Variants in FIGN observed in about 807,000 individuals in gnomAD.
FIGN encodes fidgetin, microtubule severing factor, also known as fidgetin.
In FIGN, 11 loss-of-function variants were observed where a neutral mutation model predicts 51.3. That is an observed-to-expected ratio of 0.21 (90% CI 0.13 to 0.35). FIGN has a LOEUF of 0.35. Among genes scored for constraint, FIGN ranks in the 10% least tolerant of loss-of-function variants. FIGN has a pLI of 1.00. For missense variants in FIGN, 857 were observed against 943.6 expected (o/e 0.91, Z 1.20); for synonymous variants, 407 against 363.2 (o/e 1.12, Z -1.37).
chr2:163,661,535 T>A (rs1402565840), intron 2 of FIGN, among the ~76,000 whole-genome samples: 1 of 152,140 alleles, frequency 6.6e-6, no homozygotes, highest in Non-Finnish European at 1.5e-5. Flanking sequence ...TAGCTGGGAT[T>A]AGAAGCACCC....
chr2:163,657,720 A>T (rs1276978407), intron 2 of FIGN, among the ~76,000 whole-genome samples: 1 of 152,162 alleles, frequency 6.6e-6, no homozygotes, highest in Non-Finnish European at 1.5e-5. Flanking sequence ...ACATTTTAGT[A>T]GGTCATGCTA....
At chr2:163,675,734 A>C (rs1237922112) in intron 2 of FIGN, among the ~76,000 whole-genome samples, 3 of 118,778 alleles carry the variant, frequency 2.5e-5, no homozygotes, top group Non-Finnish European at 5.2e-5. Context: ...TTTTTTGTAC[A>C]AGCATGTCAG....
intron 2 of FIGN, among the ~76,000 whole-genome samples, chr2:163,719,487 T>C (rs1286055606): frequency 1.3e-5 from 2 of 152,184 alleles, no homozygotes; most frequent in African/African-American, 4.8e-5. Context: ...GTTGGCTCCC[T>C]GTGTGCCTGC....
chr2:163,678,889 G>A (rs1191836942), intron 2 of FIGN, among the ~76,000 whole-genome samples: 1 of 152,258 alleles, frequency 6.6e-6, no homozygotes, highest in African/African-American at 2.4e-5. Flanking sequence ...AAGAAATCAT[G>A]TGAGATTTGA....
chr2:163,628,620 C>T (rs1683094557), intron 2 of FIGN, among the ~76,000 whole-genome samples: 1 of 151,632 alleles, frequency 6.6e-6, no homozygotes, highest in South Asian at 2.1e-4. Flanking sequence ...TAAGCAGGGT[C>T]TAAACTTAAG....
intron 2 of FIGN, among the ~76,000 whole-genome samples, chr2:163,628,256 C>G (rs559395812): frequency 5.9e-5 from 9 of 152,126 alleles, no homozygotes; most frequent in African/African-American, 2.2e-4. Context: ...GGTGGCTATA[C>G]AGAGGAGCTA....
rs757950651 is a variant in FIGN, at chr2:163,609,643, T to G, written c.2189A>C (p.Glu730Ala). Residue 730 changes from glutamate to alanine, a missense_variant, in exon 3 of 3, where the codon GAA becomes GCA. Around this residue, in one of 3 missense-constraint regions of FIGN, gnomAD observed 799 missense variants for 849.5 expected, o/e 0.94. Transcript: ENST00000333129. ...QLRPVTYQDF[E>A]NAFCKIQPSI... ...AGGCTGAATCTTGCAGAAAGCATTT[T>G]CAAAGTCTTGATATGTAACGGGCCT... The G allele has an allele frequency of 5.0e-6, 8 of 1,614,166 alleles. No homozygotes were observed. Among genetic ancestry groups the G allele is most frequent in the Non-Finnish European group, 6.8e-6 (8 of 1,180,018 alleles).
At chr2:163,698,532 A>C (rs1284247262) in intron 2 of FIGN, among the ~76,000 whole-genome samples, 1 of 152,116 alleles carries the variant, frequency 6.6e-6, no homozygotes, top group East Asian at 1.9e-4. Context: ...GGATGAAGGG[A>C]GTGGAAGTCT....
rs533594450 is a variant in FIGN, at chr2:163,615,233, T to C, written c.26-3427A>G. 1.4e-4 allele frequency among the ~76,000 whole-genome samples: 21 copies of C among 152,318 alleles called. No individual in the cohort carries two copies. In the South Asian group the frequency reaches 3.7e-3, roughly 27 times the overall value. ...AAGGCAAAATTGTATTTTGTTTAAA[T>C]ACAAGGCAATGGACTTGTTCATATC... On this transcript the variant is annotated intron_variant, in intron 2 of 2. Transcript: ENST00000333129.
At chr2:163,646,977 C>T (rs1229299476) in intron 2 of FIGN, among the ~76,000 whole-genome samples, 1 of 152,152 alleles carries the variant, frequency 6.6e-6, no homozygotes, top group Non-Finnish European at 1.5e-5. Context: ...AGCCCAGTTC[C>T]CTTTTGGTAT....
chr2:163,686,010 A>C (rs931895880), intron 2 of FIGN, among the ~76,000 whole-genome samples: 4 of 152,274 alleles, frequency 2.6e-5, no homozygotes, highest in Non-Finnish European at 5.9e-5. Flanking sequence ...GACAGTCATC[A>C]AATTTGGACT....
chr2:163,658,159 A>G (rs937504552), intron 2 of FIGN, among the ~76,000 whole-genome samples: 1 of 152,142 alleles, frequency 6.6e-6, no homozygotes, highest in South Asian at 2.1e-4. Context: ...TAGGGAGAAC[A>G]TTGCTAGTGG....
At position 163,606,821 on chromosome 2, in the gene FIGN, A is replaced by G. The variant is rs1691122027; in HGVS notation, c.*2731T>C. On this transcript the variant is annotated 3_prime_UTR_variant, in exon 3 of 3. Coordinates refer to ENST00000333129, the MANE Select transcript of FIGN (RefSeq NM_018086.4). ...ATCTTGGATTTTGTGAGGCTAAATG[A>G]AAATCACATACGACTTCAGCTTCTG... 1 of 152,190 alleles carries G rather than the reference A, an allele frequency of 6.6e-6. No homozygotes were observed. The highest frequency in any genetic ancestry group is 2.4e-5 in the African/African-American group (1 of 41,452). The allele number at this position is 152,190 out of a possible 1,614,324, so 9.4% of individuals were successfully genotyped here.
At chr2:163,706,664 T>A (rs1684504228) in intron 2 of FIGN, among the ~76,000 whole-genome samples, 1 of 152,148 alleles carries the variant, frequency 6.6e-6, no homozygotes, top group South Asian at 2.1e-4. Flanking sequence ...ACAAATCACA[T>A]GTAGACTGCA....
In FIGN at chr2:163,604,587, C is replaced by G. The variant is rs1039869169; in HGVS notation, c.*4965G>C. Reference sequence around the variant, plus strand: ...AGTTCAAGGACAAGTCTTTTTCTTACGAAATGCATGACATTCAAAAAAAGA... The same window carrying G: ...AGTTCAAGGACAAGTCTTTTTCTTAGGAAATGCATGACATTCAAAAAAAGA... On this transcript the variant is annotated 3_prime_UTR_variant, in exon 3 of 3. Transcript: ENST00000333129. 6.6e-6 allele frequency: 1 copy of G among 151,518 alleles called. No individual in the cohort carries two copies. The highest frequency in any genetic ancestry group is 1.5e-5 in the Non-Finnish European group (1 of 67,918). 9.4% of individuals were successfully genotyped at this position (151,518 alleles called of 1,614,324 possible).
At chr2:163,728,107 A>G (rs773854401) in intron 2 of FIGN, among the ~76,000 whole-genome samples, 3 of 152,092 alleles carry the variant, frequency 2.0e-5, no homozygotes, top group Admixed American at 6.6e-5. Context: ...TAGCTAAAAT[A>G]CCACTTTCTA....
chr2:163,728,176 C>G (rs188536749), intron 2 of FIGN, among the ~76,000 whole-genome samples: 2 of 152,204 alleles, frequency 1.3e-5, no homozygotes, highest in East Asian at 1.9e-4. Context: ...TCTGCCCCCC[C>G]CTTCCTGTCA....
At chr2:163,641,115 C>T (rs1366308313) in intron 2 of FIGN, among the ~76,000 whole-genome samples, 1 of 152,140 alleles carries the variant, frequency 6.6e-6, no homozygotes, top group Admixed American at 6.5e-5. Flanking sequence ...GGGGCATTCA[C>T]CAATGAAGTT....
intron 2 of FIGN, among the ~76,000 whole-genome samples, chr2:163,622,922 G>A (rs1196987863): frequency 1.3e-5 from 2 of 152,160 alleles, no homozygotes; most frequent in Non-Finnish European, 2.9e-5. Context: ...AAGTGTGCTA[G>A]TTTTACTTGT....
Sources: gnomAD v4.1 joint callset for allele counts (sites outside exome capture counted in the v4.1 genomes callset) on GRCh38, gnomAD v4.1.1 for gene constraint, gnomAD v4.1.1 regional missense constraint, MANE v1.5 for transcripts, NCBI Gene and HGNC (gene_info 2026-07-23, HGNC 2026-07-21) for gene names.